The following GALNT16 variants were observed in gnomAD, a reference collection of about 807,000 sequenced individuals.
GALNT16 encodes the protein polypeptide N-acetylgalactosaminyltransferase 16.
A neutral mutation model predicts 76.1 loss-of-function variants in GALNT16; 40 were observed. The observed-to-expected ratio is 0.53, with a 90% confidence interval of 0.41 to 0.68. GALNT16 has a LOEUF of 0.68. GALNT16 is among the 30% of genes least tolerant of loss of function. The pLI is 0.00. For synonymous variants in GALNT16, 276 were observed against 285.2 expected (o/e 0.97, Z 0.32); for missense variants, 621 against 731.9 (o/e 0.85, Z 1.75).
chr14:69,338,093 T>C (rs1002862390), intron 9 of GALNT16, among the ~76,000 whole-genome samples: 3 of 152,096 alleles, frequency 2.0e-5, no homozygotes, highest in Non-Finnish European at 4.4e-5. Context: ...CCACAAAAGC[T>C]GGTTCAGCTC....
chr14:69,313,217 G>A (rs1400435350), intron 1 of GALNT16, among the ~76,000 whole-genome samples: 2 of 152,240 alleles, frequency 1.3e-5, no homozygotes, highest in Non-Finnish European at 2.9e-5. Context: ...GGAAGGATCA[G>A]GTAGGGCTTT....
At chr14:69,380,245 T>C in the GALNT16 span, 1 of 265,362 alleles carries the variant, frequency 3.8e-6, no homozygotes, top group Non-Finnish European at 7.0e-6. Context: ...TGTTATAAAG[T>C]AGATATGAAC....
At chr14:69,370,483 T>A in the GALNT16 span, among the ~76,000 whole-genome samples, 8 of 152,250 alleles carry the variant, frequency 5.3e-5, no homozygotes, top group Non-Finnish European at 8.8e-5. Flanking sequence ...GTGTTCCTAC[T>A]GGCTTTAGCA....
the GALNT16 span, among the ~76,000 whole-genome samples, chr14:69,369,362 A>G: frequency 3.3e-5 from 5 of 152,248 alleles, no homozygotes; most frequent in Non-Finnish European, 5.9e-5. Context: ...AGACAAAGAT[A>G]AAAGCAAGAC....
intron 1 of GALNT16, among the ~76,000 whole-genome samples, chr14:69,309,142 C>T (rs193025482): frequency 7.9e-5 from 12 of 151,800 alleles, no homozygotes; most frequent in East Asian, 5.8e-4. Context: ...CCTTTTTTAA[C>T]ATGTACTTAT....
At chr14:69,371,935 C>T in the GALNT16 span, among the ~76,000 whole-genome samples, 1 of 151,782 alleles carries the variant, frequency 6.6e-6, no homozygotes, top group East Asian at 1.9e-4. Flanking sequence ...CAGAGCAAGA[C>T]TGTCTCAAAA....
chr14:69,371,538 T>G, the GALNT16 span, among the ~76,000 whole-genome samples: 104 of 151,942 alleles, frequency 6.8e-4, no homozygotes, highest in East Asian at 5.9e-3. Flanking sequence ...TTACAGGCGT[T>G]AGCCACCACA....
At position 69,325,964 on chromosome 14, in the gene GALNT16, G is replaced by A; in HGVS notation, c.505G>A (p.Glu169Lys). 1 of 1,613,796 alleles carries A rather than the reference G, an allele frequency of 6.2e-7. No homozygotes were observed. The highest frequency in any genetic ancestry group is 8.5e-7 in the Non-Finnish European group (1 of 1,179,706). The change falls in exon 5 of 15, where the codon GAA becomes AAA. Residue 169 changes from glutamate to lysine, a missense_variant and splice_region_variant. Physicochemically the swap from Glu to Lys is moderately conservative, Grantham distance 56. Coordinates refer to ENST00000448469, the MANE Select transcript of GALNT16 (RefSeq NM_001168368.2). ...TGCCTTCCTCTTTGCATCCTCAGCG[G>A]AAGACTGTCTACTCCTGACCAGGAT... ...ILVDDFSSDP[E>K]DCLLLTRIPK... is the part of the protein sequence containing the mutation.
At chr14:69,317,955 A>T (rs1380357204) in intron 1 of GALNT16, among the ~76,000 whole-genome samples, 1 of 152,158 alleles carries the variant, frequency 6.6e-6, no homozygotes, top group East Asian at 1.9e-4. Flanking sequence ...GGCCAGAGAG[A>T]GCTGAGGAGA....
intron 1 of GALNT16, among the ~76,000 whole-genome samples, chr14:69,302,188 G>A (rs548805173): frequency 3.0e-4 from 46 of 152,246 alleles, no homozygotes; most frequent in African/African-American, 1.1e-3. Context: ...TGTCATCTGA[G>A]AAGGTAGATA....
In GALNT16 at chr14:69,333,726, C is replaced by T. The variant is rs2045385201; in HGVS notation, c.967+126C>T. The T allele has an allele frequency of 3.3e-6, 2 of 606,914 alleles. No homozygotes were observed. The highest frequency in any genetic ancestry group is 3.1e-5 in the Admixed American group (1 of 32,472). 37.6% of individuals were successfully genotyped at this position (606,914 alleles called of 1,614,324 possible). A position where few individuals can be genotyped will look rare whatever the true frequency, so the allele number is the denominator to read the frequency against. The stretch of plus-strand genomic sequence containing the variant: ...TTTACACACATGAGGTCATTTAATT[C>T]TCTCAAGGACCCTCTGAGGTAAGTA... On this transcript the variant is annotated intron_variant, in intron 9 of 14. Coordinates refer to ENST00000448469, the MANE Select transcript of GALNT16 (RefSeq NM_001168368.2). This position sits in a 1 kb window ranked among gnomAD's most constrained non-coding sequence, Gnocchi z 4.2.
intron 5 of GALNT16, 65 bp from the exon 6 acceptor site, chr14:69,328,385 T>A: frequency 6.4e-7 from 1 of 1,557,056 alleles, no homozygotes; most frequent in Non-Finnish European, 8.8e-7. Context: ...CTTGGGACTT[T>A]GGGGGACAGG....
chr14:69,297,613 T>C (rs1038757377), intron 1 of GALNT16, among the ~76,000 whole-genome samples: 3 of 136,060 alleles, frequency 2.2e-5, no homozygotes, highest in Non-Finnish European at 4.6e-5. Flanking sequence ...TGCATTAGTA[T>C]TATGTATTTG....
Position 69,352,034 on chromosome 14 carries a change from TGGA to T in GALNT16, c.1548_1550del (p.Arg517del). The T allele has an allele frequency of 1.9e-6, 3 of 1,610,432 alleles. No individual in the cohort carries two copies. Among genetic ancestry groups the T allele is most frequent in the Non-Finnish European group, 2.5e-6 (3 of 1,177,932 alleles). ...AACCCATCTCTGTTCCTCCTAGAAA[TGGA>T]GGAGAAAAGGATCTTTCATCCAGCA... is the stretch of plus-strand genomic sequence containing the variant. On this transcript the variant is annotated inframe_deletion, in exon 15 of 15. Transcript: ENST00000448469.
chr14:69,321,523 C>T (rs2045183450), intron 2 of GALNT16, among the ~76,000 whole-genome samples: 1 of 152,202 alleles, frequency 6.6e-6, no homozygotes, highest in Non-Finnish European at 1.5e-5. Flanking sequence ...CCGTCACCTG[C>T]ACGAACAGTC....
chr14:69,292,432 A>T (rs955085503), intron 1 of GALNT16, among the ~76,000 whole-genome samples: 2 of 152,216 alleles, frequency 1.3e-5, no homozygotes, highest in Non-Finnish European at 2.9e-5. Flanking sequence ...CCTGAGGCCA[A>T]TGCAGGCAGG....
chr14:69,382,817 T>C, the GALNT16 span, among the ~76,000 whole-genome samples: 1 of 148,216 alleles, frequency 6.7e-6, no homozygotes, highest in Non-Finnish European at 1.5e-5. Context: ...AAAGCAATAA[T>C]GCCTTCTTTA....
intron 1 of GALNT16, among the ~76,000 whole-genome samples, chr14:69,264,304 G>A (rs1463654989): frequency 6.6e-6 from 1 of 152,152 alleles, no homozygotes; most frequent in Non-Finnish European, 1.5e-5. Flanking sequence ...CTGGACCTTG[G>A]TTATTTTGTC....
At chr14:69,322,973 TGTGTGTGTGCGC>T (rs1242569261) in intron 2 of GALNT16, among the ~76,000 whole-genome samples, 1 of 50,950 alleles carries the variant, frequency 2.0e-5, no homozygotes, top group Non-Finnish European at 3.2e-5. Flanking sequence ...TGTGTGTGTG[TGTGTGTGTGCGC>T]GCGCACGCGC....
Sources: gnomAD v4.1 joint callset for allele counts (sites outside exome capture counted in the v4.1 genomes callset) on GRCh38, gnomAD v4.1.1 for gene constraint, Gnocchi (gnomAD v3.1) non-coding constraint, MANE v1.5 for transcripts, NCBI Gene and HGNC (gene_info 2026-07-23, HGNC 2026-07-21) for gene names.